The following EPB41L3 variants were observed in gnomAD, a reference collection of about 807,000 sequenced individuals.
EPB41L3 encodes the protein band 4.1-like protein 3.
In EPB41L3, 57 loss-of-function variants were observed where a neutral mutation model predicts 127.1. That is an observed-to-expected ratio of 0.45 (90% CI 0.36 to 0.56). The LOEUF (loss-of-function observed/expected upper bound fraction) is 0.56. Among genes scored for constraint, EPB41L3 ranks in the 20% least tolerant of loss-of-function variants. EPB41L3 has a pLI of 0.00. For missense variants in EPB41L3, 1,273 were observed against 1,372.2 expected (o/e 0.93, Z 1.14); for synonymous variants, 572 against 549.5 (o/e 1.04, Z -0.57).
chr18:5,487,495 ATT>A (rs1353319562), intron 2 of EPB41L3, among the ~76,000 whole-genome samples: 4 of 145,174 alleles, frequency 2.8e-5, no homozygotes, highest in Admixed American at 6.9e-5. Context: ...TTTACCTCAA[ATT>A]TTTTTTTTTT....
At chr18:5,528,468 T>C (rs754685106) in intron 1 of EPB41L3, among the ~76,000 whole-genome samples, 3 of 151,070 alleles carry the variant, frequency 2.0e-5, no homozygotes, top group Non-Finnish European at 4.4e-5. Flanking sequence ...TGAGCCCAGC[T>C]GGGGTCACAT....
intron 1 of EPB41L3, among the ~76,000 whole-genome samples, chr18:5,526,960 A>G (rs544698200): frequency 2.0e-5 from 3 of 151,878 alleles, no homozygotes; most frequent in Non-Finnish European, 4.4e-5. Context: ...TGAAAATGAG[A>G]GGAGTACGAA....
intron 14 of EPB41L3, among the ~76,000 whole-genome samples, chr18:5,409,712 CA>C (rs10653732): frequency 6.8e-6 from 1 of 148,058 alleles, no homozygotes; most frequent in Non-Finnish European, 1.5e-5. Context: ...TAGGATGATG[CA>C]AAAAAAAACA....
rs1683664020 is a variant in EPB41L3 at position 5,392,820 on chromosome 18, A to G, written c.*665T>C. Reference sequence around the variant, plus strand: ...AAACAACAAGGAAGAAATCGCATTAATATGCTAAAATCAGTACTACCTTAT... The same window carrying G: ...AAACAACAAGGAAGAAATCGCATTAGTATGCTAAAATCAGTACTACCTTAT... On this transcript the variant is annotated 3_prime_UTR_variant, in exon 23 of 23. Transcript: ENST00000341928. 1 of 152,552 alleles carries G rather than the reference A, an allele frequency of 6.6e-6. No individual in the cohort carries two copies. Among genetic ancestry groups the G allele is most frequent in the Non-Finnish European group, 1.5e-5 (1 of 68,050 alleles). 9.4% of individuals were successfully genotyped at this position (152,552 alleles called of 1,614,324 possible). A position where few individuals can be genotyped will look rare whatever the true frequency, so the allele number is the denominator to read the frequency against.
chr18:5,562,458 C>T (rs796792949), intron 3 of EPB41L3, among the ~76,000 whole-genome samples: 19 of 152,202 alleles, frequency 1.2e-4, no homozygotes, highest in African/African-American at 4.6e-4. Flanking sequence ...GACTTGGTTC[C>T]ATTTCTCCCT....
chr18:5,560,692 T>G (rs2094112777), intron 3 of EPB41L3, among the ~76,000 whole-genome samples: 2 of 152,030 alleles, frequency 1.3e-5, no homozygotes, highest in Admixed American at 1.3e-4. Flanking sequence ...GCACATTTAT[T>G]GAGAGGAAAT....
chr18:5,443,652 C>G (rs77821342), intron 5 of EPB41L3, among the ~76,000 whole-genome samples, 186 bp downstream of exon 5: 232 of 152,308 alleles, frequency 1.5e-3, no homozygotes, highest in Non-Finnish European at 2.9e-3. Flanking sequence ...ACAGGCCAAG[C>G]ATCACGGTCC....
chr18:5,574,148 CTCTAT>C (rs1022243073), intron 3 of EPB41L3, among the ~76,000 whole-genome samples: 3 of 152,054 alleles, frequency 2.0e-5, no homozygotes, highest in African/African-American at 4.8e-5. Flanking sequence ...AAAATTCCCT[CTCTAT>C]TCTATTTCTC....
At chr18:5,475,921 A>G (rs888095947) in intron 3 of EPB41L3, among the ~76,000 whole-genome samples, 4 of 151,890 alleles carry the variant, frequency 2.6e-5, no homozygotes, top group African/African-American at 9.7e-5. Context: ...AGGAGAGCCA[A>G]CACTGAAGCA....
intron 3 of EPB41L3, among the ~76,000 whole-genome samples, chr18:5,450,639 A>G (rs940699868): frequency 1.3e-5 from 2 of 150,770 alleles, no homozygotes; most frequent in Non-Finnish European, 2.9e-5. Context: ...TAAAAAGGTT[A>G]GTAAAAAAAA....
chr18:5,513,007 T>C (rs1233523599), intron 1 of EPB41L3, among the ~76,000 whole-genome samples: 1 of 152,184 alleles, frequency 6.6e-6, no homozygotes, highest in African/African-American at 2.4e-5. Context: ...GAAAACAGCA[T>C]GCATGAGGGT....
At chr18:5,498,881 G>A (rs1213377764) in intron 1 of EPB41L3, among the ~76,000 whole-genome samples, 1 of 152,140 alleles carries the variant, frequency 6.6e-6, no homozygotes, top group Non-Finnish European at 1.5e-5. Flanking sequence ...TGCCCTCAAT[G>A]TGCCAGGCAT....
intron 3 of EPB41L3, among the ~76,000 whole-genome samples, chr18:5,470,967 G>C (rs2086033105): frequency 6.6e-6 from 1 of 152,208 alleles, no homozygotes; most frequent in East Asian, 1.9e-4. Flanking sequence ...TTGGACTAAA[G>C]TGGGAAGCTT....
chr18:5,520,164 G>A (rs2092927846), intron 1 of EPB41L3, among the ~76,000 whole-genome samples: 1 of 152,044 alleles, frequency 6.6e-6, no homozygotes, highest in Non-Finnish European at 1.5e-5. Context: ...AATAATCAAG[G>A]CCAAATAAAC....
At position 5,424,333 on chromosome 18, in the gene EPB41L3, C is replaced by A. The variant is rs751193306; in HGVS notation, c.1092G>T (p.Gly364=). ...GEFEQFESTI[G]FKLPNHRAAK... ...CAGCTCGATGGTTTGGCAGCTTAAA[C>A]CCAATGGTGCTTTCAAATTGTTCAA... Residue 364 remains glycine (G), a synonymous_variant, in exon 10 of 23, where the codon GGG becomes GGT. Coordinates refer to ENST00000341928, the MANE Select transcript of EPB41L3 (RefSeq NM_012307.5). 5.0e-6 allele frequency: 8 copies of A among 1,604,858 alleles called. No homozygotes were observed. The highest frequency in any genetic ancestry group is 6.8e-6 in the Non-Finnish European group (8 of 1,176,070).
At chr18:5,534,560 T>G (rs998493151) in intron 1 of EPB41L3, among the ~76,000 whole-genome samples, 1 of 152,218 alleles carries the variant, frequency 6.6e-6, no homozygotes, top group African/African-American at 2.4e-5. Flanking sequence ...TCTACTGTTA[T>G]CTGGAGTTTC....
intron 3 of EPB41L3, among the ~76,000 whole-genome samples, chr18:5,460,515 A>G (rs1029800252): frequency 1.3e-5 from 2 of 152,216 alleles, no homozygotes; most frequent in African/African-American, 4.8e-5. Flanking sequence ...TATGTGTACT[A>G]AACATCACAA....
chr18:5,403,455 G>A (rs531277545), intron 16 of EPB41L3, among the ~76,000 whole-genome samples: 5 of 151,650 alleles, frequency 3.3e-5, no homozygotes, highest in Non-Finnish European at 7.4e-5. Context: ...TCATAAATTG[G>A]TAGCATTTTA....
intron 1 of EPB41L3, among the ~76,000 whole-genome samples, chr18:5,520,075 T>C (rs2092925184): frequency 6.6e-6 from 1 of 152,190 alleles, no homozygotes; most frequent in Non-Finnish European, 1.5e-5. Flanking sequence ...CAATATACAG[T>C]AATCGACAAC....
Sources: gnomAD v4.1 joint callset for allele counts (sites outside exome capture counted in the v4.1 genomes callset) on GRCh38, gnomAD v4.1.1 for gene constraint, MANE v1.5 for transcripts, NCBI Gene and HGNC (gene_info 2026-07-23, HGNC 2026-07-21) for gene names.